The following MED26 variants were observed in gnomAD, a reference collection of about 807,000 sequenced individuals.
MED26 encodes mediator of RNA polymerase II transcription subunit 26.
MED26 carries 7 observed loss-of-function variants against 43.7 expected under a neutral mutation model. The ratio of observed to expected loss-of-function variants is 0.16; its 90% CI spans 0.09 to 0.30. MED26 has a LOEUF of 0.30. Ranked by LOEUF, MED26 falls within the 10% of genes least tolerant of loss-of-function variation. MED26 has a pLI of 1.00. For missense variants in MED26, 784 were observed against 840.6 expected (o/e 0.93, Z 0.83); for synonymous variants, 375 against 371.1 (o/e 1.01, Z -0.12).
In MED26 at chr19:16,577,317, G is replaced by A. The variant is rs777992148; in HGVS notation, c.513C>T (p.Asp171=). 29 of 1,611,792 alleles carry A rather than the reference G, an allele frequency of 1.8e-5. No individual in the cohort carries two copies. In the South Asian group the frequency reaches 2.5e-4, roughly 14 times the overall value. ...PPPKVSKASH[D]PLVPNSSPLP... is the part of the protein sequence containing the mutation. Reference sequence around the variant, plus strand: ...GGGGGGATGAGTTGGGGACCAGGGGGTCGTGGCTAGCTTTGGAGACCTTGG... The same window carrying A: ...GGGGGGATGAGTTGGGGACCAGGGGATCGTGGCTAGCTTTGGAGACCTTGG... Residue 171 remains aspartate (D), a synonymous_variant, in exon 3 of 3, where the codon GAC becomes GAT. Transcript: ENST00000263390. The surrounding 1 kb of genome is among the most constrained non-coding windows in gnomAD (Gnocchi z 8.1).
At chr19:16,595,684 G>A (rs751393983) in intron 1 of MED26, among the ~76,000 whole-genome samples, 9 of 152,280 alleles carry the variant, frequency 5.9e-5, no homozygotes, top group Admixed American at 2.0e-4. Flanking sequence ...TGACTTTCCC[G>A]TCCTAGTCCA....
chr19:16,614,518 C>A (rs1447542594), intron 1 of MED26, among the ~76,000 whole-genome samples: 1 of 151,810 alleles, frequency 6.6e-6, no homozygotes, highest in Non-Finnish European at 1.5e-5. Context: ...CAGAGTAAGA[C>A]CCCATTTCAA....
intron 1 of MED26, among the ~76,000 whole-genome samples, chr19:16,621,464 C>T (rs528608520): frequency 1.3e-5 from 2 of 152,176 alleles, no homozygotes; most frequent in Admixed American, 1.3e-4. Context: ...AGCCCCCTGA[C>T]GTTTTCCAAG....
At chr19:16,581,126 A>C (rs1217086987) in intron 1 of MED26, among the ~76,000 whole-genome samples, 1 of 152,106 alleles carries the variant, frequency 6.6e-6, no homozygotes, top group East Asian at 1.9e-4. Context: ...CAGAGCCACG[A>C]CAGCAGTCCC....
At chr19:16,612,105 G>C (rs1227776583) in intron 1 of MED26, 1 of 152,232 alleles carries the variant, frequency 6.6e-6, no homozygotes, top group African/African-American at 2.4e-5. Flanking sequence ...GGGTGGGGTA[G>C]GAGATAGGCC....
At chr19:16,605,745 T>G (rs1360141108) in intron 1 of MED26, among the ~76,000 whole-genome samples, 1 of 152,006 alleles carries the variant, frequency 6.6e-6, no homozygotes, top group African/African-American at 2.4e-5. Context: ...AGGCGGGAGA[T>G]GCTGGGCAAG....
At chr19:16,608,107 C>CGTCTGCACACGT (rs1306850906) in intron 1 of MED26, among the ~76,000 whole-genome samples, 1 of 152,254 alleles carries the variant, frequency 6.6e-6, no homozygotes, top group Non-Finnish European at 1.5e-5. Context: ...AATACATCTC[C>CGTCTGCACACGT]TCTTCTGGGG....
In MED26 at chr19:16,575,818, T is replaced by C; in HGVS notation, c.*209A>G. Reference sequence around the variant, plus strand: ...CACGCGGTCCTTCTTCGCAATTTTGTTAGTAAACTGGTAGCAGCATTTCAC... The same window carrying C: ...CACGCGGTCCTTCTTCGCAATTTTGCTAGTAAACTGGTAGCAGCATTTCAC... On this transcript the variant is annotated 3_prime_UTR_variant, in exon 3 of 3. Transcript: ENST00000263390. 1 of 579,238 alleles carries C rather than the reference T, an allele frequency of 1.7e-6. No homozygotes were observed. 35.9% of individuals were successfully genotyped at this position (579,238 alleles called of 1,614,324 possible).
At chr19:16,585,785 C>G (rs956798166) in intron 1 of MED26, among the ~76,000 whole-genome samples, 1 of 152,210 alleles carries the variant, frequency 6.6e-6, no homozygotes, top group African/African-American at 2.4e-5. Flanking sequence ...CTCCTGTCGG[C>G]AAATATTTTA....
intron 1 of MED26, among the ~76,000 whole-genome samples, chr19:16,613,436 C>T (rs574825392): frequency 6.6e-6 from 1 of 152,246 alleles, no homozygotes; most frequent in East Asian, 1.9e-4. Context: ...ACACGGGATC[C>T]TCTGCACTCC....
intron 1 of MED26, among the ~76,000 whole-genome samples, chr19:16,617,670 G>C (rs1011066629): frequency 5.3e-5 from 8 of 152,202 alleles, no homozygotes; most frequent in African/African-American, 1.9e-4. Flanking sequence ...TCAGTGTTTA[G>C]AGGAAGGAAA....
chr19:16,580,667 G>A (rs1374529829), intron 1 of MED26, among the ~76,000 whole-genome samples: 1 of 151,984 alleles, frequency 6.6e-6, no homozygotes, highest in Non-Finnish European at 1.5e-5. Context: ...CACTGCACCC[G>A]GCCCAGAGTT....
Position 16,577,051 on chromosome 19 carries a change from G to A in MED26, c.779C>T (p.Pro260Leu), listed in dbSNP as rs745739940. 1.2e-5 allele frequency: 20 copies of A among 1,608,260 alleles called. No homozygotes were observed. Among genetic ancestry groups the A allele is most frequent in the South Asian group, 2.2e-5 (2 of 90,914 alleles). The change falls in exon 3 of 3, where the codon CCG (proline) becomes CTG (leucine). Residue 260 changes from proline (P) to leucine (L), a missense_variant. By Grantham distance (98) the Pro-to-Leu change is moderately conservative. Coordinates refer to ENST00000263390, the MANE Select transcript of MED26 (RefSeq NM_004831.5). The surrounding 1 kb of genome is among the most constrained non-coding windows in gnomAD (Gnocchi z 8.1). ...GGGTCCCTTGGGATGGGGAGGCCCC[G>A]GAGTCTCGTCCACCCTGTCCAGCTG... ...LQQLDRVDET[P>L]GPPHPKGPPR...
chr19:16,583,268 A>G (rs551494195), intron 1 of MED26, among the ~76,000 whole-genome samples: 14 of 152,304 alleles, frequency 9.2e-5, no homozygotes, highest in Non-Finnish European at 1.9e-4. Context: ...AAACCTCTCA[A>G]AACACCTGCC....
intron 1 of MED26, among the ~76,000 whole-genome samples, chr19:16,598,336 CAAA>C (rs35572400): frequency 1.6e-5 from 1 of 63,418 alleles, no homozygotes; most frequent in African/African-American, 7.3e-5. Context: ...GATTCCATCT[CAAA>C]AAAAAAAAAA....
intron 1 of MED26, among the ~76,000 whole-genome samples, chr19:16,617,945 C>T (rs1191203452): frequency 6.6e-6 from 1 of 152,180 alleles, no homozygotes; most frequent in Admixed American, 6.5e-5. Context: ...GGGGAGCAGA[C>T]ACCAACATCA....
chr19:16,605,446 G>C (rs2122428946), intron 1 of MED26, among the ~76,000 whole-genome samples: 1 of 152,338 alleles, frequency 6.6e-6, no homozygotes, highest in South Asian at 2.1e-4. Flanking sequence ...GTGACCAGGT[G>C]AATGAACAAC....
chr19:16,578,296 C>G (rs746996343), intron 2 of MED26, 39 bp downstream of exon 2: 9 of 1,587,802 alleles, frequency 5.7e-6, no homozygotes, highest in African/African-American at 2.7e-5. Flanking sequence ...CCCTGCCCCC[C>G]GTTCTGCCCT....
At position 16,575,235 on chromosome 19, in the gene MED26, G is replaced by C. The variant is rs955739671; in HGVS notation, c.*792C>G. On this transcript the variant is annotated 3_prime_UTR_variant, in exon 3 of 3. Transcript: ENST00000263390. ...GACTCTAGAAAGGTGAAGTTTTCTAGATGTGTACAGGAAGGGAAAAAAGAA... is the reference window on the plus strand; with the variant it reads ...GACTCTAGAAAGGTGAAGTTTTCTACATGTGTACAGGAAGGGAAAAAAGAA... The C allele has an allele frequency of 5.9e-5, 9 of 152,536 alleles. No homozygotes were observed. The highest frequency in any genetic ancestry group is 2.2e-4 in the African/African-American group (9 of 41,404). The allele number at this position is 152,536 out of a possible 1,614,324, so 9.4% of individuals were successfully genotyped here.
Sources: gnomAD v4.1 joint callset for allele counts (sites outside exome capture counted in the v4.1 genomes callset) on GRCh38, gnomAD v4.1.1 for gene constraint, Gnocchi (gnomAD v3.1) non-coding constraint, MANE v1.5 for transcripts, NCBI Gene and HGNC (gene_info 2026-07-23, HGNC 2026-07-21) for gene names.